Variants in PAM16 observed in about 807,000 individuals in gnomAD.
The protein encoded by PAM16 is mitochondrial import inner membrane translocase subunit TIM16.
In PAM16, 11 loss-of-function variants were observed where a neutral mutation model predicts 17.9. That is an observed-to-expected ratio of 0.62 (90% confidence interval 0.39 to 1.02). PAM16 has a LOEUF of 1.02. PAM16 is among the 50% of genes least tolerant of loss of function. The pLI, the probability that PAM16 is intolerant of heterozygous loss-of-function variation, is 0.01. For synonymous variants in PAM16, 72 were observed against 67.4 expected, an observed-to-expected ratio of 1.07 and a Z score of -0.34; for missense variants, 199 against 165.4, an observed-to-expected ratio of 1.20 and a Z score of -1.11.
intron 1 of PAM16, chr16:4,345,811 C>G: frequency 1.0e-6 from 1 of 984,434 alleles, no homozygotes; most frequent in Non-Finnish European, 1.2e-6. Context: ...TCCTAAAGCC[C>G]CTCCCGAGTG....
At position 4,341,424 on chromosome 16, in the gene PAM16, G is replaced by T; in HGVS notation, c.169C>A (p.Gln57Lys). ...ACGTTGAGAATCTGCTGTGCCTCCT[G>T]GAGGCTGAGGCCGGAGAGGTTGGAA... ...AASNLSGLSL[Q>K]EAQQILNVSK... Residue 57 changes from glutamine to lysine, a missense_variant, in exon 3 of 5, where the codon CAG becomes AAG. Gln to Lys is a moderately conservative substitution (Grantham distance 53). Transcript: ENST00000318059. 1 of 1,605,798 alleles carries T rather than the reference G, an allele frequency of 6.2e-7. No individual in the cohort carries two copies. Among genetic ancestry groups the T allele is most frequent in the African/African-American group, 1.3e-5 (1 of 74,988 alleles).
intron 1 of PAM16, chr16:4,348,349 A>C (rs747539789): frequency 2.6e-5 from 4 of 152,250 alleles, no homozygotes; most frequent in Non-Finnish European, 5.9e-5. Context: ...ATCTCCCAGT[A>C]AACACACAAT....
Position 4,343,286 on chromosome 16 carries a change from C to T in PAM16, c.9G>A (p.Lys3=), listed in dbSNP as rs945620097. 2 of 1,610,506 alleles carry T rather than the reference C, an allele frequency of 1.2e-6. No homozygotes were observed. Among genetic ancestry groups the T allele is most frequent in the Non-Finnish European group, 1.7e-6 (2 of 1,178,964 alleles). ...CCATCACAATGATCTGGGCCAGGTA[C>T]TTGGCCTGTGGGCAAAGCAGGCACC... is the stretch of plus-strand genomic sequence containing the variant. The part of the protein sequence containing the change: MA[K]YLAQIIVMGV... Residue 3 remains lysine (K), a synonymous_variant, in exon 2 of 5, where the codon AAG becomes AAA. Coordinates refer to ENST00000318059, the MANE Select transcript of PAM16 (RefSeq NM_016069.11).
chr16:4,340,512 C>T, intron 4 of PAM16, 107 bp from the exon 5 acceptor site: 2 of 1,263,020 alleles, frequency 1.6e-6, no homozygotes, highest in South Asian at 2.6e-5. Flanking sequence ...TTTTGAAGGG[C>T]AGTGGGTGGA....
intron 2 of PAM16, among the ~76,000 whole-genome samples, chr16:4,342,441 G>A (rs1262971516): frequency 6.6e-6 from 1 of 151,850 alleles, no homozygotes; most frequent in East Asian, 1.9e-4. Flanking sequence ...TATCACGTGA[G>A]GTTGGGAGTT....
At chr16:4,342,918 A>G (rs1419196697) in intron 2 of PAM16, among the ~76,000 whole-genome samples, 3 of 152,226 alleles carry the variant, frequency 2.0e-5, no homozygotes, top group African/African-American at 7.2e-5. Context: ...AGATTGCCCC[A>G]CTGCATTCCA....
At chr16:4,343,353 C>T in intron 1 of PAM16, 62 bp from the exon 2 acceptor site, 1 of 1,543,184 alleles carries the variant, frequency 6.5e-7, no homozygotes, top group South Asian at 1.2e-5. Flanking sequence ...GAGATGGGCC[C>T]TGGAAACGGC....
intron 2 of PAM16, 199 bp from the exon 3 acceptor site, chr16:4,341,703 G>A: frequency 2.3e-6 from 2 of 854,102 alleles, no homozygotes; most frequent in Non-Finnish European, 3.5e-6. Context: ...GTGCCTCACT[G>A]GAGGGTAAGG....
At chr16:4,341,662 G>C (rs2053649536) in intron 2 of PAM16, 158 bp from the exon 3 acceptor site, 3 of 1,265,394 alleles carry the variant, frequency 2.4e-6, no homozygotes, top group South Asian at 3.0e-5. Context: ...TTCCTTTTTA[G>C]GGGGTAGAGG....
chr16:4,346,513 T>G (rs1036923762), intron 1 of PAM16, among the ~76,000 whole-genome samples: 3 of 152,206 alleles, frequency 2.0e-5, no homozygotes, highest in Non-Finnish European at 4.4e-5. Flanking sequence ...GCAGCTCATT[T>G]GATACAGGCC....
At position 4,343,218 on chromosome 16, in the gene PAM16, T is replaced by G; in HGVS notation, c.77A>C (p.Gln26Pro). The G allele has an allele frequency of 6.2e-7, 1 of 1,612,794 alleles. No individual in the cohort carries two copies. The highest frequency in any genetic ancestry group is 1.1e-5 in the South Asian group (1 of 91,084). ...GGACCCATGCTTACCTGCAAACTCC[T>G]GCCGCAAGGCCCGTGCAAAGGCCCT... is the stretch of plus-strand genomic sequence containing the variant. Reference protein sequence around the residue: ...VGRAFARALRQEFAASRAAAD... With the variant: ...VGRAFARALRPEFAASRAAAD... The change falls in exon 2 of 5, where the codon CAG (glutamine) becomes CCG (proline). Residue 26 changes from glutamine (Q) to proline (P), a missense_variant. By Grantham distance (76) the Gln-to-Pro change is moderately conservative (BLOSUM62 -1). Coordinates refer to ENST00000318059, the MANE Select transcript of PAM16 (RefSeq NM_016069.11).
At chr16:4,342,300 G>A (rs1428873459) in intron 2 of PAM16, among the ~76,000 whole-genome samples, 2 of 152,014 alleles carry the variant, frequency 1.3e-5, no homozygotes, top group Non-Finnish European at 2.9e-5. Context: ...AGAGGTTGCA[G>A]TGAGCCAAGA....
At chr16:4,351,184 G>C in intron 1 of PAM16, 48 bp downstream of exon 1, 1 of 1,221,850 alleles carries the variant, frequency 8.2e-7, no homozygotes, top group Non-Finnish European at 1.1e-6. Flanking sequence ...CCCGGCCCCC[G>C]GCCCGACTCG....
intron 1 of PAM16, chr16:4,346,103 T>G: frequency 1.0e-5 from 4 of 388,186 alleles, no homozygotes; most frequent in Non-Finnish European, 1.4e-5. Context: ...CGTGGTGGCC[T>G]GTGGCTTCAG....
intron 2 of PAM16, among the ~76,000 whole-genome samples, chr16:4,342,794 A>G (rs1217943877): frequency 6.6e-6 from 1 of 151,976 alleles, no homozygotes; most frequent in Non-Finnish European, 1.5e-5. Context: ...CCCCGTCTCT[A>G]CTAAAAATAC....
Position 4,341,425 on chromosome 16 carries a change from G to C in PAM16, c.168C>G (p.Leu56=). Residue 56 remains leucine (L), a synonymous_variant, in exon 3 of 5, where the codon CTC becomes CTG. Coordinates refer to ENST00000318059, the MANE Select transcript of PAM16 (RefSeq NM_016069.11). Reference sequence around the variant, plus strand: ...CGTTGAGAATCTGCTGTGCCTCCTGGAGGCTGAGGCCGGAGAGGTTGGAAG... The same window carrying C: ...CGTTGAGAATCTGCTGTGCCTCCTGCAGGCTGAGGCCGGAGAGGTTGGAAG... ...AAASNLSGLS[L]QEAQQILNVS... 1 of 1,606,136 alleles carries C rather than the reference G, an allele frequency of 6.2e-7. No individual in the cohort carries two copies. The highest frequency in any genetic ancestry group is 2.2e-5 in the East Asian group (1 of 44,606).
chr16:4,351,265 C>T lies in PAM16; in HGVS notation c.-31G>A. The T allele has an allele frequency of 6.8e-7, 1 of 1,463,734 alleles. No homozygotes were observed. The highest frequency in any genetic ancestry group is 9.1e-7 in the Non-Finnish European group (1 of 1,100,060). The allele number at this position is 1,463,734 out of a possible 1,614,324, so 90.7% of individuals were successfully genotyped here. A position where few individuals can be genotyped will look rare whatever the true frequency, so the allele number is the denominator to read the frequency against. ...CCGCTCTGCCTCCGGGGCTCAAACT[C>T]CGACTTCCTGGCCCCGCGGCCGGGG... is the stretch of plus-strand genomic sequence containing the variant. On this transcript the variant is annotated 5_prime_UTR_variant, in exon 1 of 5. Coordinates refer to ENST00000318059, the MANE Select transcript of PAM16 (RefSeq NM_016069.11).
intron 1 of PAM16, among the ~76,000 whole-genome samples, chr16:4,348,952 T>A (rs965565564): frequency 8.0e-6 from 1 of 125,576 alleles, no homozygotes; most frequent in African/African-American, 3.1e-5. Context: ...CCTAGCACTT[T>A]CTTTTTTTTT....
At chr16:4,350,401 T>C (rs753281687) in intron 1 of PAM16, among the ~76,000 whole-genome samples, 11 of 150,734 alleles carry the variant, frequency 7.3e-5, no homozygotes, top group Non-Finnish European at 1.5e-4. Flanking sequence ...ATATAATACA[T>C]ATATATAATT....
Sources: allele counts gnomAD v4.1 joint callset (sites outside exome capture counted in the v4.1 genomes callset), GRCh38; gene constraint gnomAD v4.1.1; transcripts MANE v1.5; gene names NCBI Gene and HGNC (gene_info 2026-07-23, HGNC 2026-07-21).